The following KAZN variants were observed in gnomAD, a reference collection of about 807,000 sequenced individuals.
KAZN encodes kazrin.
Under a neutral mutation model 87.4 loss-of-function variants are expected in KAZN, and 40 were observed. The ratio of observed to expected loss-of-function variants is 0.46; its 90% CI spans 0.36 to 0.60. The LOEUF (loss-of-function observed/expected upper bound fraction) is 0.60. Ranked by LOEUF, KAZN falls within the 20% of genes least tolerant of loss-of-function variation. The pLI is 0.00. For synonymous variants in KAZN, 466 were observed against 458.3 expected, an observed-to-expected ratio of 1.02 and a Z score of -0.22; for missense variants, 898 against 1,073.9, an observed-to-expected ratio of 0.84 and a Z score of 2.29.
intron 1 of KAZN, among the ~76,000 whole-genome samples, chr1:14,755,188 G>T (rs1204553893): frequency 3.9e-5 from 6 of 152,088 alleles, no homozygotes; most frequent in Non-Finnish European, 4.4e-5. Context: ...AGGAGACGGA[G>T]GTTGCAGTGA....
intron 2 of KAZN, among the ~76,000 whole-genome samples, chr1:14,231,065 G>C (rs965462058): frequency 6.6e-6 from 1 of 152,132 alleles, no homozygotes; most frequent in African/African-American, 2.4e-5. Flanking sequence ...CTACTATACA[G>C]TAAGTGCTCA....
intron 13 of KAZN, among the ~76,000 whole-genome samples, chr1:15,108,157 C>T (rs1005202174): frequency 1.1e-4 from 17 of 152,210 alleles, no homozygotes; most frequent in Non-Finnish European, 1.2e-4. Context: ...GTCACCTGTC[C>T]CACCTCCTCG....
chr1:14,013,420 A>G (rs1329474093), intron 1 of KAZN, among the ~76,000 whole-genome samples: 3 of 152,188 alleles, frequency 2.0e-5, no homozygotes, highest in South Asian at 2.1e-4. Flanking sequence ...AACGAGAAAC[A>G]GGGTTTTTTT....
chr1:14,653,619 C>G (rs913233381), intron 1 of KAZN, among the ~76,000 whole-genome samples: 1 of 152,232 alleles, frequency 6.6e-6, no homozygotes, highest in Non-Finnish European at 1.5e-5. Flanking sequence ...ACTGTTCAAG[C>G]CAAACAAAAC....
At chr1:13,909,790 G>A (rs1309458786) in intron 1 of KAZN, among the ~76,000 whole-genome samples, 1 of 152,220 alleles carries the variant, frequency 6.6e-6, no homozygotes. Flanking sequence ...GGTCTGAGTT[G>A]AACCCTGAGA....
intron 2 of KAZN, among the ~76,000 whole-genome samples, chr1:14,588,798 A>C (rs1676009699): frequency 6.6e-6 from 1 of 151,866 alleles, no homozygotes; most frequent in South Asian, 2.1e-4. Flanking sequence ...TTTCTGCAGG[A>C]CTCCCTCGGG....
chr1:14,960,776 C>A lies in KAZN; in HGVS notation c.319C>A (p.Gln107Lys). The change falls in exon 2 of 15, where the codon CAG (glutamine) becomes AAG (lysine). Residue 107 changes from glutamine to lysine, a missense_variant. Gln to Lys is a moderately conservative substitution (Grantham distance 53, BLOSUM62 1). Coordinates refer to ENST00000376030, the MANE Select transcript of KAZN (RefSeq NM_201628.3). ...EMLAKDLEES[Q>K]GGKSSEVLSA... ...GTTGGCGAAGGACCTGGAGGAGTCGCAGGGCGGCAAGTCCTCTGAGGTCCT... is the reference window on the plus strand; with the variant it reads ...GTTGGCGAAGGACCTGGAGGAGTCGAAGGGCGGCAAGTCCTCTGAGGTCCT... 1 of 1,610,220 alleles carries A rather than the reference C, an allele frequency of 6.2e-7. No individual in the cohort carries two copies. Among genetic ancestry groups the A allele is most frequent in the Non-Finnish European group, 8.5e-7 (1 of 1,178,526 alleles).
intron 2 of KAZN, among the ~76,000 whole-genome samples, chr1:14,970,078 TGCTGGGATTATAG>T (rs1294434713): frequency 6.6e-6 from 1 of 152,202 alleles, no homozygotes; most frequent in Admixed American, 6.5e-5. Context: ...CCTCCCAAAG[TGCTGGGATTATAG>T]GCATGAGCCA....
intron 2 of KAZN, among the ~76,000 whole-genome samples, chr1:14,347,868 T>C (rs1330896518): frequency 6.7e-6 from 1 of 150,324 alleles, no homozygotes; most frequent in African/African-American, 2.4e-5. Flanking sequence ...TACTATTTTT[T>C]TTCTTTTTTC....
At chr1:14,411,891 G>C (rs956271780) in intron 2 of KAZN, among the ~76,000 whole-genome samples, 1 of 152,200 alleles carries the variant, frequency 6.6e-6, no homozygotes, top group African/African-American at 2.4e-5. Context: ...CAGAGGTACT[G>C]ATTAATTTTA....
chr1:14,714,354 G>A (rs968968822), intron 1 of KAZN, among the ~76,000 whole-genome samples: 2 of 152,092 alleles, frequency 1.3e-5, no homozygotes, highest in Admixed American at 1.3e-4. Flanking sequence ...GGCTCTGCAC[G>A]GAATTTCTCA....
intron 2 of KAZN, among the ~76,000 whole-genome samples, chr1:14,415,268 G>A (rs546609301): frequency 6.6e-6 from 1 of 152,068 alleles, no homozygotes; most frequent in East Asian, 1.9e-4. Context: ...ACAATCCAGA[G>A]GCTGTAGTAT....
At chr1:13,963,756 GGTCTGTGTGTGTGTGTGT>G (rs1454063253) in intron 1 of KAZN, among the ~76,000 whole-genome samples, 1 of 117,040 alleles carries the variant, frequency 8.5e-6, no homozygotes, top group African/African-American at 3.2e-5. Flanking sequence ...TTTCTGCTGT[GGTCTGTGTGTGTGTGTGT>G]GTGTGTGTGT....
At chr1:14,452,042 C>A (rs1186028063) in intron 2 of KAZN, among the ~76,000 whole-genome samples, 1 of 152,172 alleles carries the variant, frequency 6.6e-6, no homozygotes, top group Non-Finnish European at 1.5e-5. Flanking sequence ...TGGATTCTAG[C>A]GATTCTCCTG....
chr1:14,528,549 C>CGAG (rs1672036685), intron 2 of KAZN, among the ~76,000 whole-genome samples: 4 of 151,178 alleles, frequency 2.6e-5, no homozygotes, highest in Non-Finnish European at 5.9e-5. Context: ...TTTGGGAGGC[C>CGAG]GAGGTGGGAG....
chr1:14,704,327 C>T (rs1309332928), intron 1 of KAZN, among the ~76,000 whole-genome samples: 1 of 152,256 alleles, frequency 6.6e-6, no homozygotes. Context: ...GACCTTCCAT[C>T]ATACCATGAG....
intron 2 of KAZN, among the ~76,000 whole-genome samples, chr1:14,571,841 G>GA (rs1189294189): frequency 6.6e-6 from 1 of 152,206 alleles, no homozygotes; most frequent in Admixed American, 6.5e-5. Flanking sequence ...CAGGGAAGGA[G>GA]AGGCAGGGCT....
Position 15,104,145 on chromosome 1 carries a change from G to C in KAZN, c.2004G>C (p.Arg668=). The change falls in exon 13 of 15, where the codon CGG becomes CGC. Residue 668 remains arginine (R), a synonymous_variant. Transcript: ENST00000376030. ...TCCCCAGTGGGAAGCACATCCTCCGGAGACACCTGGCAGAGGAGATGAGCG... is the reference window on the plus strand; with the variant it reads ...TCCCCAGTGGGAAGCACATCCTCCGCAGACACCTGGCAGAGGAGATGAGCG... The part of the protein sequence containing the change: ...LGIPSGKHIL[R]RHLAEEMSAV... 1 of 1,604,246 alleles carries C rather than the reference G, an allele frequency of 6.2e-7. No homozygotes were observed. The highest frequency in any genetic ancestry group is 1.1e-5 in the South Asian group (1 of 88,790).
chr1:15,050,788 C>T (rs1214867503), intron 4 of KAZN, among the ~76,000 whole-genome samples: 2 of 150,774 alleles, frequency 1.3e-5, no homozygotes, highest in African/African-American at 2.5e-5. Flanking sequence ...CCACGCCTGT[C>T]GTTGCCCCCA....
Sources: gnomAD v4.1 joint callset for allele counts (sites outside exome capture counted in the v4.1 genomes callset) on GRCh38, gnomAD v4.1.1 for gene constraint, MANE v1.5 for transcripts, NCBI Gene and HGNC (gene_info 2026-07-23, HGNC 2026-07-21) for gene names.